The following PTPRD variants were observed in gnomAD, a reference collection of about 807,000 sequenced individuals.
PTPRD encodes the protein receptor-type tyrosine-protein phosphatase delta.
PTPRD carries 34 observed loss-of-function variants against 214.5 expected under a neutral mutation model. That is an observed-to-expected ratio of 0.16 (90% confidence interval 0.12 to 0.21). The LOEUF (loss-of-function observed/expected upper bound fraction) is 0.21. Ranked by LOEUF, PTPRD falls within the 10% of genes least tolerant of loss-of-function variation. PTPRD has a pLI of 1.00. For missense variants in PTPRD, 2,545 were observed against 2,398.7 expected (o/e 1.06, Z -1.27); for synonymous variants, 1,128 against 845.7 (o/e 1.33, Z -5.79).
At chr9:10,276,287 C>T (rs1337824208) in intron 3 of PTPRD, among the ~76,000 whole-genome samples, 2 of 152,206 alleles carry the variant, frequency 1.3e-5, no homozygotes, top group Non-Finnish European at 2.9e-5. Context: ...TTAACAAATG[C>T]ATGACACAGC....
At position 9,493,823 on chromosome 9, in the gene PTPRD, A is replaced by C. The variant is rs1306452380; in HGVS notation, c.-237+80909T>G. Among the ~76,000 whole-genome samples the C allele has an allele frequency of 2.6e-5, 4 of 151,828 alleles. No individual in the cohort carries two copies. In the East Asian group the frequency reaches 7.7e-4, roughly 29 times the overall value. Reference sequence around the variant, plus strand: ...AAAAAAAAAAAAAGAAAAGAAAAGAAAAGAAATACATTTTGTAAGGTTATA... The same window carrying C: ...AAAAAAAAAAAAAGAAAAGAAAAGACAAGAAATACATTTTGTAAGGTTATA... On this transcript the variant is annotated intron_variant, in intron 8 of 45. Transcript: ENST00000381196.
chr9:8,481,625 C>T (rs1185249759), intron 30 of PTPRD, among the ~76,000 whole-genome samples: 2 of 152,134 alleles, frequency 1.3e-5, no homozygotes, highest in Non-Finnish European at 2.9e-5. Flanking sequence ...TAATCCCTCT[C>T]TGTGTCCTCT....
At chr9:8,950,123 T>G (rs1038944986) in intron 11 of PTPRD, among the ~76,000 whole-genome samples, 1 of 152,164 alleles carries the variant, frequency 6.6e-6, no homozygotes, top group Non-Finnish European at 1.5e-5. Context: ...TTGGCCAACA[T>G]GAAAATACTA....
chr9:9,961,742 A>G (rs1181383143), intron 4 of PTPRD, among the ~76,000 whole-genome samples: 1 of 152,176 alleles, frequency 6.6e-6, no homozygotes, highest in African/African-American at 2.4e-5. Context: ...ACAGCACTGT[A>G]ATACGGTGCT....
chr9:9,321,171 A>G (rs1014102884), intron 9 of PTPRD, among the ~76,000 whole-genome samples: 3 of 152,100 alleles, frequency 2.0e-5, no homozygotes, highest in African/African-American at 7.2e-5. Context: ...CTGTATTTTG[A>G]TTTTTCTCAT....
At chr9:9,024,270 T>G (rs2099579362) in intron 10 of PTPRD, among the ~76,000 whole-genome samples, 1 of 151,612 alleles carries the variant, frequency 6.6e-6, no homozygotes, top group African/African-American at 2.4e-5. Flanking sequence ...CATAGTTATT[T>G]TAAATTTTAA....
intron 14 of PTPRD, among the ~76,000 whole-genome samples, chr9:8,623,458 T>A (rs2095884703): frequency 6.6e-6 from 1 of 151,892 alleles, no homozygotes; most frequent in South Asian, 2.1e-4. Context: ...GATTAAAAAA[T>A]TTGTGTATTC....
chr9:8,763,173 A>G (rs1160292693), intron 11 of PTPRD, among the ~76,000 whole-genome samples: 2 of 152,122 alleles, frequency 1.3e-5, no homozygotes. Context: ...CTCTGTTCTC[A>G]TTTGTTAGCT....
chr9:8,991,656 T>C (rs1165788364), intron 11 of PTPRD, among the ~76,000 whole-genome samples: 3 of 152,114 alleles, frequency 2.0e-5, no homozygotes, highest in East Asian at 3.9e-4. Flanking sequence ...TTTTTTCTAA[T>C]TGAAAGGCTT....
At chr9:8,548,934 G>A (rs1348086211) in intron 14 of PTPRD, among the ~76,000 whole-genome samples, 4 of 151,904 alleles carry the variant, frequency 2.6e-5, no homozygotes, top group African/African-American at 4.8e-5. Context: ...CAGGTGATCC[G>A]CCTGCCTCGG....
At chr9:8,368,579 A>C (rs1424337096) in intron 39 of PTPRD, among the ~76,000 whole-genome samples, 2 of 151,826 alleles carry the variant, frequency 1.3e-5, no homozygotes, top group South Asian at 2.1e-4. Flanking sequence ...TCTGCATTTC[A>C]TCAGGCAGCC....
chr9:10,379,987 T>C (rs1366087228), intron 2 of PTPRD, among the ~76,000 whole-genome samples: 1 of 152,078 alleles, frequency 6.6e-6, no homozygotes, highest in African/African-American at 2.4e-5. Context: ...GGTCTTACTC[T>C]GTTGCCCAGG....
intron 5 of PTPRD, among the ~76,000 whole-genome samples, chr9:9,843,765 G>A (rs1159129173): frequency 1.3e-5 from 2 of 151,928 alleles, no homozygotes; most frequent in Non-Finnish European, 2.9e-5. Context: ...ATAAATTGCT[G>A]ATTAAATAAT....
At chr9:9,280,194 G>A (rs187804733) in intron 9 of PTPRD, among the ~76,000 whole-genome samples, 1 of 151,152 alleles carries the variant, frequency 6.6e-6, no homozygotes, top group African/African-American at 2.4e-5. Context: ...CATGAATAAG[G>A]CTGAGACTTA....
At chr9:9,566,954 G>C (rs2084738893) in intron 8 of PTPRD, among the ~76,000 whole-genome samples, 1 of 152,070 alleles carries the variant, frequency 6.6e-6, no homozygotes. Context: ...TGATTACAGA[G>C]TCAAATACTA....
chr9:10,273,462 AT>A (rs1442476914), intron 3 of PTPRD, among the ~76,000 whole-genome samples: 3 of 152,140 alleles, frequency 2.0e-5, no homozygotes, highest in Non-Finnish European at 4.4e-5. Context: ...TTAGATAAAA[AT>A]TTAAAGAAAG....
At chr9:9,709,596 C>G (rs534730362) in intron 7 of PTPRD, among the ~76,000 whole-genome samples, 1 of 152,148 alleles carries the variant, frequency 6.6e-6, no homozygotes, top group Non-Finnish European at 1.5e-5. Flanking sequence ...ACAAACCTTG[C>G]ATCTGCTTTA....
chr9:9,612,216 G>T (rs1322351141), intron 7 of PTPRD, among the ~76,000 whole-genome samples: 1 of 151,622 alleles, frequency 6.6e-6, no homozygotes, highest in Non-Finnish European at 1.5e-5. Context: ...TCTGTAGGGG[G>T]AATAAAAAAA....
At chr9:10,489,269 G>T (rs899522794) in intron 2 of PTPRD, among the ~76,000 whole-genome samples, 2 of 152,132 alleles carry the variant, frequency 1.3e-5, no homozygotes, top group African/African-American at 4.8e-5. Context: ...GCTAGGGCCT[G>T]GAAAGGGGAC....
Sources: allele counts gnomAD v4.1 joint callset (sites outside exome capture counted in the v4.1 genomes callset), GRCh38; gene constraint gnomAD v4.1.1; transcripts MANE v1.5; gene names NCBI Gene and HGNC (gene_info 2026-07-23, HGNC 2026-07-21).